DLG2: variants seen among roughly 807,000 people sequenced by gnomAD.
The protein encoded by DLG2 is disks large homolog 2.
Under a neutral mutation model 132.5 loss-of-function variants are expected in DLG2, and 45 were observed. That is an observed-to-expected ratio of 0.34 (90% CI 0.27 to 0.44). DLG2 has a LOEUF of 0.44. Ranked by LOEUF, DLG2 falls within the 20% of genes least tolerant of loss-of-function variation. DLG2 has a pLI of 1.00. For missense variants in DLG2, 1,045 were observed against 1,196.9 expected (o/e 0.87, Z 1.87); for synonymous variants, 424 against 419.6 (o/e 1.01, Z -0.13).
intron 6 of DLG2, among the ~76,000 whole-genome samples, chr11:84,662,094 G>A (rs1464262960): frequency 6.6e-6 from 1 of 152,028 alleles, no homozygotes; most frequent in East Asian, 1.9e-4. Flanking sequence ...TGGAAGTAGA[G>A]GGCCAGCTCC....
In DLG2 at chr11:83,935,565, T is replaced by C. The variant is rs576147428; in HGVS notation, c.1341-5082A>G. Among the ~76,000 whole-genome samples the C allele has an allele frequency of 4.6e-5, 7 of 152,294 alleles. No individual in the cohort carries two copies. In the East Asian group the frequency reaches 9.7e-4, roughly 21 times the overall value. On this transcript the variant is annotated intron_variant, in intron 14 of 27. Transcript: ENST00000376104. ...GATATAGAGACATCTAGGGGAGGGA[T>C]TGATCTAGGTGATTTGTAAGAACCT... is the stretch of plus-strand genomic sequence containing the variant.
chr11:83,873,012 A>AT lies in DLG2; in HGVS notation c.1565+1407dup, dbSNP rs138497191. ...GTTAGAGTCATTCTAGTTCTTCATTATTTTTTTCACACTTAGGAAATTCTG... is the reference window on the plus strand; with the variant it reads ...GTTAGAGTCATTCTAGTTCTTCATTATTTTTTTTCACACTTAGGAAATTCTG... On this transcript the variant is annotated intron_variant, in intron 16 of 27. Coordinates refer to ENST00000376104, the MANE Select transcript of DLG2 (RefSeq NM_001142699.3). Among the ~76,000 whole-genome samples, 814 of 152,192 alleles carry AT rather than the reference A, an allele frequency of 5.3e-3. 9 individuals are homozygous for AT. The highest frequency in any genetic ancestry group is 0.019 in the African/African-American group (776 of 41,524).
chr11:84,177,144 C>A (rs1160748114), intron 8 of DLG2, among the ~76,000 whole-genome samples: 1 of 152,178 alleles, frequency 6.6e-6, no homozygotes, highest in East Asian at 1.9e-4. Flanking sequence ...AAATTCAAAT[C>A]ATGTTTTCAT....
chr11:84,421,413 T>C (rs1474606008), intron 7 of DLG2, among the ~76,000 whole-genome samples: 1 of 152,194 alleles, frequency 6.6e-6, no homozygotes, highest in Non-Finnish European at 1.5e-5. Flanking sequence ...GCAGACCTTC[T>C]GAATTTGAAA....
intron 10 of DLG2, among the ~76,000 whole-genome samples, chr11:84,097,401 A>G (rs1253169566): frequency 6.6e-6 from 1 of 152,174 alleles, no homozygotes; most frequent in Non-Finnish European, 1.5e-5. Context: ...AAGTCCCTTC[A>G]GCCAGAATTC....
At chr11:83,801,715 A>G in intron 17 of DLG2, among the ~76,000 whole-genome samples, 1 of 152,106 alleles carries the variant, frequency 6.6e-6, no homozygotes, top group Non-Finnish European at 1.5e-5. Flanking sequence ...ATCTGGTTTT[A>G]CTTTCTTACA....
chr11:84,645,225 C>A (rs976947635), intron 6 of DLG2, among the ~76,000 whole-genome samples: 1 of 152,122 alleles, frequency 6.6e-6, no homozygotes, highest in African/African-American at 2.4e-5. Flanking sequence ...AACTATTGAA[C>A]GTCTCTGAAC....
chr11:83,614,591 T>G (rs2436154), intron 19 of DLG2, among the ~76,000 whole-genome samples: 66,073 of 151,754 alleles, frequency 0.44, 14,762 homozygotes, highest in East Asian at 0.57. Flanking sequence ...TGGTGGTGCA[T>G]ACCTGTAGTT....
intron 6 of DLG2, among the ~76,000 whole-genome samples, chr11:84,553,918 A>G (rs2154524718): frequency 6.6e-6 from 1 of 152,358 alleles, no homozygotes; most frequent in Middle Eastern, 3.4e-3. Context: ...ATGATAAAGT[A>G]TCATCCATGA....
intron 3 of DLG2, among the ~76,000 whole-genome samples, chr11:85,528,830 CA>C (rs1169572150): frequency 2.0e-5 from 3 of 152,076 alleles, no homozygotes; most frequent in African/African-American, 7.2e-5. Flanking sequence ...CAGAAAGACG[CA>C]CAAATATTCA....
At chr11:84,668,240 A>G (rs2099701976) in intron 6 of DLG2, among the ~76,000 whole-genome samples, 1 of 152,146 alleles carries the variant, frequency 6.6e-6, no homozygotes, top group African/African-American at 2.4e-5. Context: ...CTATAATGCC[A>G]TGATCTGTAC....
chr11:84,556,389 G>A (rs1273447351), intron 6 of DLG2, among the ~76,000 whole-genome samples: 1 of 152,120 alleles, frequency 6.6e-6, no homozygotes, highest in Non-Finnish European at 1.5e-5. Context: ...TCGTATTTCT[G>A]TTTTGGCTCA....
At chr11:84,569,466 T>C (rs890175414) in intron 6 of DLG2, among the ~76,000 whole-genome samples, 1 of 151,728 alleles carries the variant, frequency 6.6e-6, no homozygotes, top group African/African-American at 2.4e-5. Flanking sequence ...ACAATAAGAT[T>C]ATATGGATAG....
intron 18 of DLG2, among the ~76,000 whole-genome samples, chr11:83,726,187 G>C (rs1455353044): frequency 6.6e-6 from 1 of 152,196 alleles, no homozygotes; most frequent in African/African-American, 2.4e-5. Context: ...AGTTGAATCT[G>C]CTCATTGCTT....
At chr11:85,208,805 T>C (rs1325606231) in intron 4 of DLG2, among the ~76,000 whole-genome samples, 1 of 151,930 alleles carries the variant, frequency 6.6e-6, no homozygotes, top group Admixed American at 6.6e-5. Context: ...ATCAGCACAC[T>C]CCCTCCTCAA....
At chr11:84,650,259 C>A (rs1489707885) in intron 6 of DLG2, among the ~76,000 whole-genome samples, 1 of 152,156 alleles carries the variant, frequency 6.6e-6, no homozygotes, top group Non-Finnish European at 1.5e-5. Context: ...CAATTGAACT[C>A]TCCTCCCTCA....
chr11:85,012,139 T>TGGAGAAACTCCATTTCTACTAAAAATACC lies in DLG2; in HGVS notation c.357+99521_357+99522insGGTATTTTTAGTAGAAATGGAGTTTCTCC, dbSNP rs1566644270. Among the ~76,000 whole-genome samples the TGGAGAAACTCCATTTCTACTAAAAATACC allele has an allele frequency of 2.5e-5, 2 of 80,768 alleles. 1 individual carries two copies. Among genetic ancestry groups the TGGAGAAACTCCATTTCTACTAAAAATACC allele is most frequent in the African/African-American group, 1.6e-4 (2 of 12,232 alleles). 53.0% of individuals were successfully genotyped at this position (80,768 alleles called of 152,430 possible). ...GAGTTCGAGACCAGCCTGACCAACA[T>TGGAGAAACTCCATTTCTACTAAAAATACC]AATCTATGTGAAATGACCTAGATAA... On this transcript the variant is annotated intron_variant, in intron 6 of 27. Coordinates refer to ENST00000376104, the MANE Select transcript of DLG2 (RefSeq NM_001142699.3).
intron 11 of DLG2, among the ~76,000 whole-genome samples, chr11:83,982,787 C>T (rs2154175817): frequency 6.6e-6 from 1 of 152,252 alleles, no homozygotes; most frequent in Middle Eastern, 3.4e-3. Context: ...CTATAGGTTC[C>T]ACTCATGCTA....
intron 4 of DLG2, among the ~76,000 whole-genome samples, chr11:85,215,745 A>T (rs2082546771): frequency 6.6e-6 from 1 of 152,166 alleles, no homozygotes; most frequent in Admixed American, 6.5e-5. Flanking sequence ...CTTTGTTAAA[A>T]TGCTACATAA....
Sources: gnomAD v4.1 joint callset for allele counts (sites outside exome capture counted in the v4.1 genomes callset) on GRCh38, gnomAD v4.1.1 for gene constraint, MANE v1.5 for transcripts, NCBI Gene and HGNC (gene_info 2026-07-23, HGNC 2026-07-21) for gene names.